TTC7B: variants seen among roughly 807,000 people sequenced by gnomAD.
TTC7B encodes the protein tetratricopeptide repeat protein 7B.
In TTC7B, 28 loss-of-function variants were observed where a neutral mutation model predicts 106.8. The observed-to-expected ratio is 0.26, with a 90% CI of 0.19 to 0.36. The LOEUF (loss-of-function observed/expected upper bound fraction) is 0.36, where lower values mean the gene tolerates loss of function less well. TTC7B is among the 10% of genes least tolerant of loss of function. The pLI is 1.00. For synonymous variants in TTC7B, 405 were observed against 430.6 expected (o/e 0.94, Z 0.74); for missense variants, 862 against 1,076.4 (o/e 0.80, Z 2.79).
chr14:90,772,017 AATATAT>A (rs548404604), intron 3 of TTC7B, among the ~76,000 whole-genome samples: 1 of 146,756 alleles, frequency 6.8e-6, no homozygotes, highest in Admixed American at 6.9e-5. Flanking sequence ...TAAATAAAGA[AATATAT>A]ATATATTTCT....
rs76621762 is a variant in TTC7B at position 90,529,357 on chromosome 14, C to A, written c.*12011G>T. 6.6e-6 allele frequency: 1 copy of A among 152,270 alleles called. No individual in the cohort carries two copies. Among genetic ancestry groups the A allele is most frequent in the African/African-American group, 2.4e-5 (1 of 41,406 alleles). The allele number at this position is 152,270 out of a possible 1,614,324, so 9.4% of individuals were successfully genotyped here. A position where few individuals can be genotyped will look rare whatever the true frequency, so the allele number is the denominator to read the frequency against. ...GAGTCTAGCTACTGGAGCCAACCAG[C>A]GTGGCTTCGGCCAGTTAACAGACCA... is the stretch of plus-strand genomic sequence containing the variant. On this transcript the variant is annotated 3_prime_UTR_variant, in exon 20 of 20. Transcript: ENST00000328459.
rs1480449055 is a variant in TTC7B, at chr14:90,796,709, AAGT to A, written c.122-10384_122-10382del. The stretch of plus-strand genomic sequence containing the variant: ...CAACTCAGTTTCTATGTCAATAGAG[AAGT>A]ATTTAGATCTATTCAAACCATTCCT... On this transcript the variant is annotated intron_variant, in intron 1 of 19. Coordinates refer to ENST00000328459, the MANE Select transcript of TTC7B (RefSeq NM_001010854.2). Among the ~76,000 whole-genome samples, 3 of 152,284 alleles carry A rather than the reference AAGT, an allele frequency of 2.0e-5. No homozygotes were observed. The South Asian group carries it at 6.2e-4, about 32-fold the overall frequency.
Position 90,652,851 on chromosome 14 carries a change from C to T in TTC7B, c.1507G>A (p.Ala503Thr), listed in dbSNP as rs1364346974. ...QEVLQRKALLAFQRAHSLSPT... is the reference protein window; with the variant it reads ...QEVLQRKALLTFQRAHSLSPT... ...TGAACTCCCACTCACCTCTGAAATG[C>T]AAGAAGCGCCTTTCTCTGTAGGACC... Residue 503 changes from alanine to threonine, a missense_variant, in exon 13 of 20, where the codon GCA (alanine) becomes ACA (threonine). Coordinates refer to ENST00000328459, the MANE Select transcript of TTC7B (RefSeq NM_001010854.2). 6.2e-7 allele frequency: 1 copy of T among 1,614,230 alleles called. No homozygotes were observed. The highest frequency in any genetic ancestry group is 1.6e-4 in the Middle Eastern group (1 of 6,062).
At chr14:90,797,318 A>G (rs562607355) in intron 1 of TTC7B, among the ~76,000 whole-genome samples, 3 of 142,996 alleles carry the variant, frequency 2.1e-5, no homozygotes, top group Non-Finnish European at 3.1e-5. Context: ...TTATCTGGGT[A>G]TGGTGGCACA....
At chr14:90,758,224 G>T (rs988094985) in intron 3 of TTC7B, among the ~76,000 whole-genome samples, 4 of 150,802 alleles carry the variant, frequency 2.7e-5, no homozygotes, top group Admixed American at 6.6e-5. Context: ...CAAATGGTCA[G>T]CCGGCCTTGG....
At chr14:90,545,548 G>A (rs979435198) in intron 19 of TTC7B, among the ~76,000 whole-genome samples, 1 of 152,184 alleles carries the variant, frequency 6.6e-6, no homozygotes, top group East Asian at 1.9e-4. Context: ...CAACCGACTG[G>A]GCCATTCTGT....
rs1368826170 is a variant in TTC7B, at chr14:90,816,326, C to T, written c.-31G>A. ...CCTGGCCGGGCCCGGCCGCCCGCCC[C>T]GCAGGCCCCACCGCCGCCGCCGCGG... is the stretch of plus-strand genomic sequence containing the variant. On this transcript the variant is annotated 5_prime_UTR_variant, in exon 1 of 20. Transcript: ENST00000328459. 2.0e-6 allele frequency: 2 copies of T among 1,013,418 alleles called. No individual in the cohort carries two copies. Among genetic ancestry groups the T allele is most frequent in the Non-Finnish European group, 2.4e-6 (2 of 841,640 alleles). The allele number at this position is 1,013,418 out of a possible 1,614,324, so 62.8% of individuals were successfully genotyped here. A position where few individuals can be genotyped will look rare whatever the true frequency, so the allele number is the denominator to read the frequency against.
chr14:90,554,307 G>A (rs1338347037), intron 19 of TTC7B, among the ~76,000 whole-genome samples: 1 of 152,224 alleles, frequency 6.6e-6, no homozygotes, highest in African/African-American at 2.4e-5. Context: ...CAGGGCATTA[G>A]AGCATTCCCC....
At chr14:90,716,043 G>C (rs1204611173) in intron 5 of TTC7B, among the ~76,000 whole-genome samples, 1 of 152,188 alleles carries the variant, frequency 6.6e-6, no homozygotes, top group Non-Finnish European at 1.5e-5. Flanking sequence ...TAAGGACTTT[G>C]TTCAGGTCCG....
At chr14:90,758,552 G>T (rs968479360) in intron 3 of TTC7B, among the ~76,000 whole-genome samples, 1 of 152,200 alleles carries the variant, frequency 6.6e-6, no homozygotes, top group Non-Finnish European at 1.5e-5. Flanking sequence ...TGTGGCGCGC[G>T]ACTGCGCTAG....
intron 17 of TTC7B, among the ~76,000 whole-genome samples, chr14:90,594,829 G>A (rs1892136152): frequency 6.6e-6 from 1 of 152,146 alleles, no homozygotes; most frequent in South Asian, 2.1e-4. Context: ...AGTATTCACG[G>A]CAATAGATGC....
At chr14:90,726,255 T>C (rs1889098194) in intron 5 of TTC7B, among the ~76,000 whole-genome samples, 1 of 152,212 alleles carries the variant, frequency 6.6e-6, no homozygotes. Flanking sequence ...TGCTGCTAGC[T>C]GGGCTGTGAA....
intron 17 of TTC7B, chr14:90,605,741 AG>A: frequency 7.9e-7 from 1 of 1,273,750 alleles, no homozygotes; most frequent in Non-Finnish European, 1.0e-6. Context: ...GGAGAGGAGG[AG>A]GAGGAGGAAT....
intron 7 of TTC7B, among the ~76,000 whole-genome samples, chr14:90,686,662 T>C (rs1371982594): frequency 6.6e-6 from 1 of 152,236 alleles, no homozygotes; most frequent in Non-Finnish European, 1.5e-5. Context: ...ACAAAATCTG[T>C]TGTATTTCCA....
chr14:90,659,948 G>C (rs1320646540), intron 9 of TTC7B, among the ~76,000 whole-genome samples: 2 of 152,146 alleles, frequency 1.3e-5, no homozygotes, highest in African/African-American at 4.8e-5. Flanking sequence ...CCTGCTGAGA[G>C]GCCTTCTCCT....
At chr14:90,796,574 C>T (rs2029886158) in intron 1 of TTC7B, among the ~76,000 whole-genome samples, 1 of 152,228 alleles carries the variant, frequency 6.6e-6, no homozygotes, top group East Asian at 1.9e-4. Flanking sequence ...CTCCTAGTTC[C>T]TCCTTTGCTG....
chr14:90,780,844 A>G lies in TTC7B; in HGVS notation c.339T>C (p.Tyr113=), dbSNP rs1891197807. 5.6e-6 allele frequency: 9 copies of G among 1,614,270 alleles called. No homozygotes were observed. Among genetic ancestry groups the G allele is most frequent in the Non-Finnish European group, 7.6e-6 (9 of 1,180,046 alleles). ...GGGCGTAAATGTTCAGAGCTTCTTT[A>G]TAATCACCTTCCACATAATTCAACT... The part of the protein sequence containing the change: ...MAKLNYVEGD[Y]KEALNIYARV... The change falls in exon 3 of 20, where the codon TAT becomes TAC. Residue 113 remains tyrosine (Y), a synonymous_variant. Coordinates refer to ENST00000328459, the MANE Select transcript of TTC7B (RefSeq NM_001010854.2).
At chr14:90,691,433 C>T (rs973959974) in intron 6 of TTC7B, among the ~76,000 whole-genome samples, 1 of 152,116 alleles carries the variant, frequency 6.6e-6, no homozygotes, top group Non-Finnish European at 1.5e-5. Flanking sequence ...TTGGTTATGT[C>T]CACTGAAAGC....
intron 18 of TTC7B, among the ~76,000 whole-genome samples, chr14:90,592,427 G>T (rs1343364457): frequency 1.3e-5 from 2 of 152,214 alleles, no homozygotes; most frequent in Non-Finnish European, 2.9e-5. Context: ...TGCCTGCACA[G>T]GCCAGGCGCG....
Sources: allele counts gnomAD v4.1 joint callset (sites outside exome capture counted in the v4.1 genomes callset), GRCh38; gene constraint gnomAD v4.1.1; transcripts MANE v1.5; gene names NCBI Gene and HGNC (gene_info 2026-07-23, HGNC 2026-07-21).